Variants in LAMA3 observed in about 807,000 individuals in gnomAD.
LAMA3 encodes laminin subunit alpha 3.
Under a neutral mutation model 402.0 loss-of-function variants are expected in LAMA3, and 281 were observed. The observed-to-expected ratio is 0.70, with a 90% CI of 0.63 to 0.77. The LOEUF (loss-of-function observed/expected upper bound fraction) is 0.77, where lower values mean the gene tolerates loss of function less well. LAMA3 is among the 30% of genes least tolerant of loss of function. The pLI is 0.00. For missense variants in LAMA3, 3,840 were observed against 4,215.5 expected (o/e 0.91, Z 2.47); for synonymous variants, 1,431 against 1,558.4 (o/e 0.92, Z 1.93).
rs2062304149 is a variant in LAMA3 at position 23,775,806 on chromosome 18, C to A, written c.1288C>A (p.Pro430Thr). Residue 430 changes from proline to threonine, a missense_variant, in exon 10 of 75, where the codon CCT (proline) becomes ACT (threonine). By Grantham distance (38) the Pro-to-Thr change is conservative. Around this residue, in one of 3 missense-constraint regions of LAMA3, gnomAD observed 2,109 missense variants for 2,376.0 expected, o/e 0.89. Transcript: ENST00000313654. ...ATTTCTCTTAGCCTGCAGCTGTGAC[C>A]CTGAGCATGCGGATGGCTGTGAACA... ...PDGCIPCSCD[P>T]EHADGCEQGS... 2 of 1,613,816 alleles carry A rather than the reference C, an allele frequency of 1.2e-6. No individual in the cohort carries two copies. The highest frequency in any genetic ancestry group is 2.2e-5 in the South Asian group (2 of 91,064).
chr18:23,869,506 A>C (rs528306727), intron 37 of LAMA3, among the ~76,000 whole-genome samples: 1 of 152,334 alleles, frequency 6.6e-6, no homozygotes, highest in South Asian at 2.1e-4. Flanking sequence ...AATTTATTAC[A>C]AATTGTATGC....
chr18:23,915,981 GGGCGACA>G (rs1251509195), intron 59 of LAMA3, among the ~76,000 whole-genome samples: 3 of 120,718 alleles, frequency 2.5e-5, no homozygotes, highest in African/African-American at 1.0e-4. Context: ...ACTCCAGCCT[GGGCGACA>G]GAGTGAGACT....
intron 7 of LAMA3, among the ~76,000 whole-genome samples, chr18:23,760,356 T>C (rs1387347358): frequency 6.6e-6 from 1 of 152,174 alleles, no homozygotes; most frequent in African/African-American, 2.4e-5. Context: ...TTTAAAATCA[T>C]GGCACCACAG....
At chr18:23,758,146 A>G (rs2061889402) in intron 6 of LAMA3, among the ~76,000 whole-genome samples, 1 of 152,232 alleles carries the variant, frequency 6.6e-6, no homozygotes, top group South Asian at 2.1e-4. Flanking sequence ...TCCATTTATC[A>G]CTGCCTGACC....
At chr18:23,928,279 C>T (rs1244966518) in intron 63 of LAMA3, 39 bp downstream of exon 63, 26 of 1,270,050 alleles carry the variant, frequency 2.0e-5, no homozygotes, top group African/African-American at 2.9e-5. Context: ...GAGTGCTTCC[C>T]AGCCAACCCA....
At chr18:23,822,463 C>A in intron 20 of LAMA3, 88 bp downstream of exon 20, 1 of 1,418,474 alleles carries the variant, frequency 7.0e-7, no homozygotes, top group Non-Finnish European at 9.9e-7. Flanking sequence ...AAGTTGATCA[C>A]CCTTAGAAAA....
intron 2 of LAMA3, among the ~76,000 whole-genome samples, chr18:23,731,874 T>G (rs779890113): frequency 1.3e-5 from 2 of 152,088 alleles, no homozygotes; most frequent in Non-Finnish European, 2.9e-5. Context: ...AATATACCCA[T>G]GTAACAAACC....
chr18:23,887,065 C>T (rs2065096068), intron 41 of LAMA3, among the ~76,000 whole-genome samples: 1 of 152,206 alleles, frequency 6.6e-6, no homozygotes, highest in Admixed American at 6.5e-5. Flanking sequence ...TCACACTTGC[C>T]TTACACTTAT....
At chr18:23,938,353 G>A (rs539621932) in intron 67 of LAMA3, among the ~76,000 whole-genome samples, 42 of 152,274 alleles carry the variant, frequency 2.8e-4, no homozygotes, top group Middle Eastern at 6.8e-3. Context: ...TTCAGAACTT[G>A]AGCTCTGCGG....
Position 23,899,278 on chromosome 18 carries a change from T to C in LAMA3, c.5837-10T>C. ...ATTCCCAGTCTAATAGACCACTTGA[T>C]GTTTCCTAGTTCTTTTAAAGCAGAT... is the stretch of plus-strand genomic sequence containing the variant. On this transcript the variant is annotated splice_polypyrimidine_tract_variant and intron_variant, in intron 46 of 74. Transcript: ENST00000313654. 6.2e-7 allele frequency: 1 copy of C among 1,613,380 alleles called. No homozygotes were observed. The highest frequency in any genetic ancestry group is 8.5e-7 in the Non-Finnish European group (1 of 1,179,502).
At chr18:23,704,712 C>T (rs2060853786) in intron 1 of LAMA3, among the ~76,000 whole-genome samples, 1 of 152,042 alleles carries the variant, frequency 6.6e-6, no homozygotes, top group Non-Finnish European at 1.5e-5. Context: ...AGTGCTCTAC[C>T]CATGGTAGGT....
At chr18:23,867,579 A>G (rs2064394109) in intron 36 of LAMA3, among the ~76,000 whole-genome samples, 2 of 151,926 alleles carry the variant, frequency 1.3e-5, no homozygotes, top group African/African-American at 2.4e-5. Flanking sequence ...GAAAAAAAAA[A>G]GAAATTCCAT....
chr18:23,829,546 C>T (rs1309318141), intron 23 of LAMA3, among the ~76,000 whole-genome samples: 2 of 152,182 alleles, frequency 1.3e-5, no homozygotes, highest in Non-Finnish European at 2.9e-5. Context: ...ACATTGACCC[C>T]ATGAATGGCA....
intron 1 of LAMA3, among the ~76,000 whole-genome samples, chr18:23,699,800 G>A (rs1422354006): frequency 6.6e-6 from 1 of 152,162 alleles, no homozygotes; most frequent in Non-Finnish European, 1.5e-5. Flanking sequence ...AGGAAAATAA[G>A]GCTGGGACGT....
At chr18:23,771,395 C>T (rs2062195319) in intron 8 of LAMA3, among the ~76,000 whole-genome samples, 1 of 152,110 alleles carries the variant, frequency 6.6e-6, no homozygotes, top group South Asian at 2.1e-4. Flanking sequence ...ATGTGGTTGA[C>T]TTTGAAGAGT....
chr18:23,942,226 G>A (rs1395328165), intron 68 of LAMA3, among the ~76,000 whole-genome samples: 4 of 152,178 alleles, frequency 2.6e-5, no homozygotes, highest in South Asian at 2.1e-4. Context: ...TGGGGATGCC[G>A]CTGTGAGTGG....
chr18:23,912,993 T>C, intron 56 of LAMA3, 112 bp downstream of exon 56: 1 of 1,016,936 alleles, frequency 9.8e-7, no homozygotes, highest in Non-Finnish European at 1.5e-6. Flanking sequence ...CAGGCAGAAA[T>C]CCTACTGAGA....
At position 23,815,407 on chromosome 18, in the gene LAMA3, T is replaced by A. The variant is rs905604725; in HGVS notation, c.1942-61T>A. The A allele has an allele frequency of 1.1e-5, 16 of 1,485,236 alleles. No individual in the cohort carries two copies. In the African/African-American group the frequency reaches 1.5e-4, roughly 14 times the overall value. 92.0% of individuals were successfully genotyped at this position (1,485,236 alleles called of 1,614,324 possible). Reference sequence around the variant, plus strand: ...TTATACAGTGAGGCAGTTTTCAATCTTGAAGATTAGTGAATTCTGTAATTA... The same window carrying A: ...TTATACAGTGAGGCAGTTTTCAATCATGAAGATTAGTGAATTCTGTAATTA... On this transcript the variant is annotated intron_variant, in intron 16 of 74. Transcript: ENST00000313654.
intron 1 of LAMA3, among the ~76,000 whole-genome samples, chr18:23,693,236 C>T (rs1193006710): frequency 2.6e-5 from 4 of 152,004 alleles, no homozygotes; most frequent in East Asian, 1.9e-4. Context: ...CCCAGCTACT[C>T]GGGAGGCTGA....
Sources: gnomAD v4.1 joint callset for allele counts (sites outside exome capture counted in the v4.1 genomes callset) on GRCh38, gnomAD v4.1.1 for gene constraint, gnomAD v4.1.1 regional missense constraint, MANE v1.5 for transcripts, NCBI Gene and HGNC (gene_info 2026-07-23, HGNC 2026-07-21) for gene names.